MARCHF1: variants seen among roughly 807,000 people sequenced by gnomAD.
MARCHF1 encodes the protein E3 ubiquitin-protein ligase MARCHF1.
MARCHF1 carries 40 observed loss-of-function variants against 54.2 expected under a neutral mutation model. The ratio of observed to expected loss-of-function variants is 0.74; its 90% CI spans 0.57 to 0.96. The LOEUF is 0.96. MARCHF1 is among the 40% of genes least tolerant of loss of function. The pLI is 0.00. For synonymous variants in MARCHF1, 236 were observed against 236.3 expected (o/e 1.00, Z 0.01); for missense variants, 586 against 656.5 (o/e 0.89, Z 1.17).
chr4:163,533,255 A>C (rs571761663), intron 9 of MARCHF1, among the ~76,000 whole-genome samples: 15 of 152,108 alleles, frequency 9.9e-5, no homozygotes, highest in Admixed American at 3.9e-4. Flanking sequence ...CAGTCTGAAA[A>C]AGCTACATAC....
At chr4:163,827,079 T>C (rs1748872956) in intron 4 of MARCHF1, among the ~76,000 whole-genome samples, 1 of 49,580 alleles carries the variant, frequency 2.0e-5, no homozygotes, top group African/African-American at 4.5e-5. Context: ...AGCAGTTTCC[T>C]TTTTAAAATA....
chr4:163,742,384 CTCCTTCCTTCCTCCCT>C (rs1165941447), intron 4 of MARCHF1, among the ~76,000 whole-genome samples: 3,312 of 97,756 alleles, frequency 0.034, 125 homozygotes, highest in African/African-American at 0.11. Context: ...CCCTCGCTAC[CTCCTTCCTTCCTCCCT>C]TCCTTCCTTC....
At chr4:163,830,013 A>G (rs1293612560) in intron 4 of MARCHF1, among the ~76,000 whole-genome samples, 1 of 152,196 alleles carries the variant, frequency 6.6e-6, no homozygotes, top group Non-Finnish European at 1.5e-5. Context: ...ACCCTGGAGC[A>G]ATGTTGAAAT....
chr4:163,530,340 T>C (rs1412953735), intron 9 of MARCHF1: 1 of 152,052 alleles, frequency 6.6e-6, no homozygotes, highest in Non-Finnish European at 1.5e-5. Context: ...TTTCTGAATA[T>C]GATCATCATG....
intron 3 of MARCHF1, among the ~76,000 whole-genome samples, chr4:163,974,018 T>C (rs1752601178): frequency 6.6e-6 from 1 of 152,218 alleles, no homozygotes; most frequent in African/African-American, 2.4e-5. Context: ...CTTTGCTTCT[T>C]ATTAAATGTG....
At chr4:163,738,288 C>T (rs971736098) in intron 4 of MARCHF1, among the ~76,000 whole-genome samples, 4 of 152,136 alleles carry the variant, frequency 2.6e-5, no homozygotes, top group Non-Finnish European at 5.9e-5. Flanking sequence ...GAAGTTTCCA[C>T]CAAAGAACCA....
intron 4 of MARCHF1, among the ~76,000 whole-genome samples, chr4:163,724,520 C>T (rs968522431): frequency 1.3e-5 from 2 of 152,182 alleles, no homozygotes; most frequent in Admixed American, 6.5e-5. Flanking sequence ...GGGAGAACCA[C>T]TACTCTCTTC....
intron 8 of MARCHF1, among the ~76,000 whole-genome samples, chr4:163,562,190 C>T (rs1392667218): frequency 6.6e-6 from 1 of 151,962 alleles, no homozygotes; most frequent in Non-Finnish European, 1.5e-5. Flanking sequence ...CCAGCTACTC[C>T]AGAGGCTGGG....
At chr4:163,838,083 A>G (rs962559108) in intron 4 of MARCHF1, among the ~76,000 whole-genome samples, 3 of 152,128 alleles carry the variant, frequency 2.0e-5, no homozygotes, top group African/African-American at 4.8e-5. Context: ...CCTGTATCAA[A>G]TAAGTGATAT....
At chr4:163,843,151 A>G (rs561228351) in intron 4 of MARCHF1, among the ~76,000 whole-genome samples, 39 of 152,166 alleles carry the variant, frequency 2.6e-4, no homozygotes, top group Non-Finnish European at 4.3e-4. Context: ...TTCACTAAGG[A>G]TAATGGCCTC....
At chr4:163,586,317 T>G (rs1740411377) in intron 7 of MARCHF1, among the ~76,000 whole-genome samples, 1 of 152,182 alleles carries the variant, frequency 6.6e-6, no homozygotes, top group East Asian at 1.9e-4. Flanking sequence ...GTGTTTAGAC[T>G]GGGTTGAATC....
intron 5 of MARCHF1, among the ~76,000 whole-genome samples, chr4:163,638,222 C>A: frequency 6.8e-6 from 1 of 147,588 alleles, no homozygotes; most frequent in African/African-American, 2.6e-5. Flanking sequence ...TGCACATGTA[C>A]CCTAAAACTT....
chr4:163,755,257 G>A (rs1746632639), intron 4 of MARCHF1, among the ~76,000 whole-genome samples: 1 of 152,140 alleles, frequency 6.6e-6, no homozygotes, highest in Admixed American at 6.5e-5. Context: ...AATAAAATAT[G>A]TACAGGGAGA....
chr4:164,364,720 CCTT>C (rs908770137), intron 1 of MARCHF1, among the ~76,000 whole-genome samples: 14 of 151,478 alleles, frequency 9.2e-5, no homozygotes, highest in African/African-American at 3.1e-4. Flanking sequence ...AAAGACAATT[CCTT>C]CTTTTCTCTT....
chr4:163,854,226 AAT>A, intron 3 of MARCHF1, 57 bp from the exon 4 acceptor site: 5 of 1,255,604 alleles, frequency 4.0e-6, no homozygotes, highest in Non-Finnish European at 5.3e-6. Context: ...TGTTTTGGAA[AAT>A]ACATATAATC....
At chr4:163,711,321 T>C (rs1745099764) in intron 4 of MARCHF1, among the ~76,000 whole-genome samples, 1 of 152,180 alleles carries the variant, frequency 6.6e-6, no homozygotes, top group Admixed American at 6.5e-5. Context: ...TTTTTTCTGT[T>C]GGAAATCCCA....
chr4:163,811,481 T>C (rs544357386), intron 4 of MARCHF1, among the ~76,000 whole-genome samples: 3 of 148,010 alleles, frequency 2.0e-5, no homozygotes, highest in African/African-American at 5.0e-5. Context: ...GCCAGCAACA[T>C]AGTGAGAAAG....
At chr4:164,381,477 T>C (rs1731369048) in intron 1 of MARCHF1, among the ~76,000 whole-genome samples, 1 of 152,190 alleles carries the variant, frequency 6.6e-6, no homozygotes, top group Non-Finnish European at 1.5e-5. Flanking sequence ...AAATTAAAGA[T>C]TTCATACATA....
chr4:164,070,000 G>C (rs142258362), intron 2 of MARCHF1, among the ~76,000 whole-genome samples: 4 of 152,264 alleles, frequency 2.6e-5, no homozygotes, highest in African/African-American at 9.6e-5. Context: ...AGCCCTAAGA[G>C]AGCTAATGCA....
Sources: gnomAD v4.1 joint callset for allele counts (sites outside exome capture counted in the v4.1 genomes callset) on GRCh38, gnomAD v4.1.1 for gene constraint, MANE v1.5 for transcripts, NCBI Gene and HGNC (gene_info 2026-07-23, HGNC 2026-07-21) for gene names.